The following PDE4D variants were observed in gnomAD, a reference collection of about 807,000 sequenced individuals.
PDE4D encodes phosphodiesterase 4D.
Under a neutral mutation model 87.4 loss-of-function variants are expected in PDE4D, and 24 were observed. That is an observed-to-expected ratio of 0.27 (90% CI 0.20 to 0.39). The LOEUF is 0.39. PDE4D is among the 10% of genes least tolerant of loss of function. The pLI is 1.00. For missense variants in PDE4D, 714 were observed against 1,041.0 expected, an observed-to-expected ratio of 0.69 and a Z score of 4.32; for synonymous variants, 384 against 383.2, an observed-to-expected ratio of 1.00 and a Z score of -0.02.
intron 6 of PDE4D, among the ~76,000 whole-genome samples, chr5:59,014,062 T>A (rs1046926609): frequency 1.3e-5 from 2 of 152,164 alleles, no homozygotes; most frequent in Non-Finnish European, 2.9e-5. Context: ...ATTATCTCAA[T>A]AGATGCAGAA....
chr5:59,367,999 C>T (rs1041336618), intron 1 of PDE4D, among the ~76,000 whole-genome samples: 10 of 152,198 alleles, frequency 6.6e-5, no homozygotes, highest in African/African-American at 2.4e-4. Flanking sequence ...GAGAGGTTTT[C>T]GTGACTGTAC....
intron 1 of PDE4D, among the ~76,000 whole-genome samples, chr5:60,468,137 C>CTTTTTTTTTTTTTTTTTTTTTTTT (rs570783072): frequency 7.1e-5 from 10 of 141,216 alleles, no homozygotes; most frequent in African/African-American, 1.4e-4. Context: ...TTTCTTTTTT[C>CTTTTTTTTTTTTTTTTTTTTTTTT]TTTTTTTTTT....
chr5:59,649,904 C>CTTGTTTTTTTTTTTTTTTTT (rs1561402852), intron 1 of PDE4D, among the ~76,000 whole-genome samples: 10 of 73,958 alleles, frequency 1.4e-4, no homozygotes, highest in African/African-American at 5.2e-4. Flanking sequence ...AGTTTGTGAA[C>CTTGTTTTTTTTTTTTTTTTT]CTTTTTTTTT....
intron 1 of PDE4D, among the ~76,000 whole-genome samples, chr5:59,668,334 A>T (rs1407756874): frequency 6.6e-6 from 1 of 152,220 alleles, no homozygotes; most frequent in African/African-American, 2.4e-5. Flanking sequence ...TTACTGTTAC[A>T]TATTCACCAC....
chr5:59,218,232 A>G (rs1751703293), intron 1 of PDE4D, among the ~76,000 whole-genome samples: 1 of 152,174 alleles, frequency 6.6e-6, no homozygotes, highest in African/African-American at 2.4e-5. Flanking sequence ...TTATTGCTAC[A>G]CTTTAAAAAA....
At chr5:59,546,222 T>A (rs1213533555) in intron 1 of PDE4D, among the ~76,000 whole-genome samples, 1 of 152,022 alleles carries the variant, frequency 6.6e-6, no homozygotes, top group Non-Finnish European at 1.5e-5. Flanking sequence ...AAAAAATGAG[T>A]ACAAAACAGT....
chr5:59,256,033 C>G (rs1409581914), intron 1 of PDE4D, among the ~76,000 whole-genome samples: 2 of 151,946 alleles, frequency 1.3e-5, no homozygotes, highest in Non-Finnish European at 2.9e-5. Context: ...ATTTTTTGCA[C>G]CTTTACACAA....
chr5:59,294,049 GAATA>G (rs1768571769), intron 1 of PDE4D, among the ~76,000 whole-genome samples: 1 of 152,186 alleles, frequency 6.6e-6, no homozygotes, highest in Non-Finnish European at 1.5e-5. Context: ...ACTGGAAGCA[GAATA>G]AATGACTACA....
At chr5:59,653,144 G>T (rs1451702050) in intron 1 of PDE4D, among the ~76,000 whole-genome samples, 1 of 151,036 alleles carries the variant, frequency 6.6e-6, no homozygotes, top group African/African-American at 2.4e-5. Flanking sequence ...TACAACTATT[G>T]GTTAGGTCTA....
At position 60,411,021 on chromosome 5, in the gene PDE4D, T is replaced by G. The variant is rs543984888; in HGVS notation, c.-90+76921A>C. Among the ~76,000 whole-genome samples the G allele has an allele frequency of 9.2e-5, 14 of 152,300 alleles. No homozygotes were observed. In the South Asian group the frequency reaches 1.9e-3, roughly 20 times the overall value. On this transcript the variant is annotated intron_variant, in intron 1 of 16. Transcript: ENST00000502484. ...AGCTGCATACTTTTCCCCAGGTCAG[T>G]TTTGCAGCTAATACATGGAAGAACT...
chr5:59,898,549 G>A (rs866903894), upstream of PDE4D, among the ~76,000 whole-genome samples: 1 of 152,174 alleles, frequency 6.6e-6, no homozygotes, highest in Non-Finnish European at 1.5e-5. Context: ...ATTGAAATTA[G>A]CTATTTTCAG....
In PDE4D at chr5:59,131,130, G is replaced by A. The variant is rs553506593; in HGVS notation, c.808+49465C>T. Among the ~76,000 whole-genome samples, 8 of 152,242 alleles carry A rather than the reference G, an allele frequency of 5.3e-5. No individual in the cohort carries two copies. The East Asian group carries it at 5.8e-4, about 11-fold the overall frequency. ...AAAAAGATGCCTTAAATATACAAAA[G>A]GCACAGGGGGAGTCCTTTTTAGGTC... On this transcript the variant is annotated intron_variant, in intron 5 of 14. Transcript: ENST00000340635.
In PDE4D at chr5:58,970,763, T is replaced by C. The variant is rs908819493; in HGVS notation, c.*3901A>G. On this transcript the variant is annotated 3_prime_UTR_variant, in exon 15 of 15. Transcript: ENST00000340635. ...ACATGTCAGGAAGCTGATGAATAGA[T>C]AACCAACACGAGTAAACTCTGGCTC... The C allele has an allele frequency of 2.0e-5, 3 of 152,116 alleles. No homozygotes were observed. The highest frequency in any genetic ancestry group is 1.3e-4 in the Admixed American group (2 of 15,250). The allele number at this position is 152,116 out of a possible 1,614,324, so 9.4% of individuals were successfully genotyped here.
chr5:60,136,707 T>G (rs541120434), intron 2 of PDE4D, among the ~76,000 whole-genome samples: 1 of 152,166 alleles, frequency 6.6e-6, no homozygotes, highest in Non-Finnish European at 1.5e-5. Flanking sequence ...TCTTATTCCT[T>G]GCTAAACAAA....
At chr5:59,633,881 C>T (rs1352112646) in intron 1 of PDE4D, among the ~76,000 whole-genome samples, 2 of 152,090 alleles carry the variant, frequency 1.3e-5, no homozygotes, top group East Asian at 3.8e-4. Flanking sequence ...CAAATTCATA[C>T]ATAACAATAT....
chr5:59,543,953 A>G (rs1482177298), intron 1 of PDE4D, among the ~76,000 whole-genome samples: 1 of 152,232 alleles, frequency 6.6e-6, no homozygotes, highest in Non-Finnish European at 1.5e-5. Context: ...ATGAGGAAGC[A>G]GTCACAGCTT....
At chr5:58,995,978 G>A (rs1030483596) in intron 6 of PDE4D, among the ~76,000 whole-genome samples, 8 of 150,162 alleles carry the variant, frequency 5.3e-5, no homozygotes, top group South Asian at 4.2e-4. Flanking sequence ...ATGAGTTCAC[G>A]TCCTTTGCAG....
At chr5:59,201,640 T>C (rs916681128) in intron 2 of PDE4D, among the ~76,000 whole-genome samples, 1 of 152,210 alleles carries the variant, frequency 6.6e-6, no homozygotes, top group Non-Finnish European at 1.5e-5. Flanking sequence ...GCTTGGCCTT[T>C]TAATTTGAAA....
intron 3 of PDE4D, among the ~76,000 whole-genome samples, chr5:59,952,302 T>C (rs1455421032): frequency 5.3e-5 from 8 of 152,140 alleles, no homozygotes; most frequent in African/African-American, 1.7e-4. Flanking sequence ...TATGTCTTTA[T>C]AGCAGTGTGA....
Sources: gnomAD v4.1 joint callset for allele counts (sites outside exome capture counted in the v4.1 genomes callset) on GRCh38, gnomAD v4.1.1 for gene constraint, MANE v1.5 for transcripts, NCBI Gene and HGNC (gene_info 2026-07-23, HGNC 2026-07-21) for gene names.